PLXNA3: variants seen among roughly 807,000 people sequenced by gnomAD.
PLXNA3 encodes plexin-A3.
In PLXNA3, 52 loss-of-function variants were observed where a neutral mutation model predicts 118.8. The observed-to-expected ratio is 0.44, with a 90% CI of 0.35 to 0.55. PLXNA3 has a LOEUF of 0.55. Among genes scored for constraint, PLXNA3 ranks in the 20% least tolerant of loss-of-function variants. PLXNA3 has a pLI of 0.01. For synonymous variants in PLXNA3, 925 were observed against 762.4 expected (o/e 1.21, Z -3.51); for missense variants, 1,660 against 1,730.8 (o/e 0.96, Z 0.73).
Position 154,469,435 on chromosome X carries a change from A to C in PLXNA3, c.4651A>C (p.Lys1551Gln), listed in dbSNP as rs374297792. The change falls in exon 27 of 33, where the codon AAG becomes CAG. Residue 1551 changes from lysine to glutamine, a missense_variant. Coordinates refer to ENST00000369682, the MANE Select transcript of PLXNA3 (RefSeq NM_017514.5). ...IILQDEDVTT[K>Q]IECDWKRLNS... ...CCTCCAGGATGAGGATGTCACCACC[A>C]AGATCGAGTGTGACTGGAAGAGGCT... 1 of 1,208,939 alleles carries C rather than the reference A, an allele frequency of 8.3e-7. No individual in the cohort carries two copies. The highest frequency in any genetic ancestry group is 2.2e-5 in the Admixed American group (1 of 46,086).
rs782421885 is a variant in PLXNA3 at position 154,465,589 on chromosome X, C to G, written c.2342-68C>G. The G allele has an allele frequency of 2.9e-5, 33 of 1,154,184 alleles. No individual in the cohort carries two copies. In the African/African-American group the frequency reaches 4.3e-4, roughly 15 times the overall value. ...ACTGCTGGGGTCGGGTCTGGGGGCC[C>G]TAGTGCTCCCCACTTTCCACTTTTC... On this transcript the variant is annotated intron_variant, in intron 12 of 32. Coordinates refer to ENST00000369682, the MANE Select transcript of PLXNA3 (RefSeq NM_017514.5).
rs151166195 is a variant in PLXNA3 at position 154,469,189 on chromosome X, G to A, written c.4568G>A (p.Arg1523His). ...TACAAGGGCATTCCGTACTCCCAGC[G>A]TCCCAAAGCTGAGGACATGGACCTG... ...TVYKGIPYSQ[R>H]PKAEDMDLEW... The change falls in exon 26 of 33, where the codon CGT becomes CAT. Residue 1523 changes from arginine (R) to histidine (H), a missense_variant. Coordinates refer to ENST00000369682, the MANE Select transcript of PLXNA3 (RefSeq NM_017514.5). 5 of 1,211,036 alleles carry A rather than the reference G, an allele frequency of 4.1e-6. No homozygotes were observed. Among genetic ancestry groups the A allele is most frequent in the South Asian group, 1.8e-5 (1 of 57,021 alleles).
Position 154,463,661 on chromosome X carries a change from G to C in PLXNA3, c.1518G>C (p.Pro506=), listed in dbSNP as rs137934756. ...SCAACLGSGD[P]HCGWCVLRHR... is the part of the protein sequence containing the mutation. The stretch of plus-strand genomic sequence containing the variant: ...CAGCCTGCCTGGGCTCCGGGGACCC[G>C]CACTGTGGTTGGTGTGTGCTGCGAC... Residue 506 remains proline (P), a synonymous_variant, in exon 6 of 33, where the codon CCG becomes CCC. Coordinates refer to ENST00000369682, the MANE Select transcript of PLXNA3 (RefSeq NM_017514.5). 3 of 1,203,773 alleles carry C rather than the reference G, an allele frequency of 2.5e-6. No homozygotes were observed. Among genetic ancestry groups the C allele is most frequent in the East Asian group, 3.0e-5 (1 of 33,718 alleles).
In PLXNA3 at chrX:154,477,626, A is replaced by G. The variant is rs1169669509; in HGVS notation, c.*4941A>G. On this transcript the variant is annotated 3_prime_UTR_variant, in exon 33 of 33. Transcript: ENST00000369682. ...AGTTAATCCTGAATGACAGAACCCA[A>G]TTGATTTTCATTTTCTTCCATTTCC... 2 of 242,260 alleles carry G rather than the reference A, an allele frequency of 8.3e-6. No homozygotes were observed. Among genetic ancestry groups the G allele is most frequent in the African/African-American group, 2.9e-5 (1 of 34,964 alleles). 20.0% of individuals were successfully genotyped at this position (242,260 alleles called of 1,213,427 possible). A position where few individuals can be genotyped will look rare whatever the true frequency, so the allele number is the denominator to read the frequency against.
rs1557206254 is a variant in PLXNA3 at position 154,464,508 on chromosome X, A to G, written c.1928+7A>G. 1 of 1,187,277 alleles carries G rather than the reference A, an allele frequency of 8.4e-7. No individual in the cohort carries two copies. Among genetic ancestry groups the G allele is most frequent in the South Asian group, 1.8e-5 (1 of 56,261 alleles). ...ACTGCAGCGTCCTCCAGTCGTGAGT[A>G]CCTGGCCAGCACCCGTCCCTACCCC... On this transcript the variant is annotated splice_region_variant and intron_variant, in intron 9 of 32. Transcript: ENST00000369682.
At chrX:154,466,569 G>A (rs2069089386) in intron 16 of PLXNA3, 54 bp from the exon 17 acceptor site, 76 of 1,188,481 alleles carry the variant, frequency 6.4e-5, no homozygotes, top group Non-Finnish European at 7.8e-5. Context: ...CCGTGGGGAC[G>A]GGTGGCTGAG....
At position 154,477,713 on chromosome X, in the gene PLXNA3, C is replaced by G. The variant is rs1217536141; in HGVS notation, c.*5028C>G. The G allele has an allele frequency of 1.7e-5, 5 of 293,909 alleles. No homozygotes were observed. The highest frequency in any genetic ancestry group is 3.1e-5 in the African/African-American group (1 of 31,946). 24.2% of individuals were successfully genotyped at this position (293,909 alleles called of 1,213,427 possible). On this transcript the variant is annotated 3_prime_UTR_variant, in exon 33 of 33. Coordinates refer to ENST00000369682, the MANE Select transcript of PLXNA3 (RefSeq NM_017514.5). Reference sequence around the variant, plus strand: ...CTGAATTCTAGAACCCCCCCCCCAGCAACCCAAGCACAACAAGAATATTGG... The same window carrying G: ...CTGAATTCTAGAACCCCCCCCCCAGGAACCCAAGCACAACAAGAATATTGG...
chrX:154,470,098 C>A lies in PLXNA3; in HGVS notation c.4917C>A (p.Asp1639Glu). The change falls in exon 29 of 33, where the codon GAC becomes GAA. Residue 1639 changes from aspartate to glutamate, a missense_variant. Around this residue, in one of 2 missense-constraint regions of PLXNA3, gnomAD observed 869 missense variants for 1,078.7 expected, o/e 0.81. Coordinates refer to ENST00000369682, the MANE Select transcript of PLXNA3 (RefSeq NM_017514.5). ...WHLVKNHDHA[D>E]HREGDRGSKM... ...TGGTGAAAAACCACGACCATGCCGACCATCGCGAGGGGGACCGTGGCAGCA... is the reference window on the plus strand; with the variant it reads ...TGGTGAAAAACCACGACCATGCCGAACATCGCGAGGGGGACCGTGGCAGCA... 1 of 1,211,543 alleles carries A rather than the reference C, an allele frequency of 8.3e-7. No homozygotes were observed. Among genetic ancestry groups the A allele is most frequent in the Non-Finnish European group, 1.1e-6 (1 of 895,535 alleles).
At chrX:154,462,367 G>C (rs1470318305) in intron 4 of PLXNA3, 57 bp downstream of exon 4, 1 of 695,747 alleles carries the variant, frequency 1.4e-6, no homozygotes, top group Non-Finnish European at 1.9e-6. Flanking sequence ...TATGGGACAA[G>C]GCTGGTGGGA....
intron 28 of PLXNA3, 61 bp downstream of exon 28, chrX:154,469,845 A>G (rs975769714): frequency 1.6e-5 from 18 of 1,127,575 alleles, no homozygotes; most frequent in Admixed American, 6.5e-5. Context: ...TCCAAGTGCC[A>G]TCGATTCTGT....
At chrX:154,462,384 G>T in intron 4 of PLXNA3, 74 bp downstream of exon 4, 1 of 819,233 alleles carries the variant, frequency 1.2e-6, no homozygotes, top group Non-Finnish European at 1.7e-6. Flanking sequence ...GGGAACACAC[G>T]GGAGAGCTCT....
chrX:154,464,641 C>G lies in PLXNA3; in HGVS notation c.1929-113C>G, dbSNP rs1291082944. Reference sequence around the variant, plus strand: ...GATAGCCCCTGACATCCCCACATCTCTCTGTCCCCTGATATGGCTGCCTTC... The same window carrying G: ...GATAGCCCCTGACATCCCCACATCTGTCTGTCCCCTGATATGGCTGCCTTC... On this transcript the variant is annotated intron_variant, in intron 9 of 32. Coordinates refer to ENST00000369682, the MANE Select transcript of PLXNA3 (RefSeq NM_017514.5). The G allele has an allele frequency of 5.8e-6, 4 of 693,605 alleles. No homozygotes were observed. The East Asian group carries it at 1.4e-4, about 24-fold the overall frequency. 57.2% of individuals were successfully genotyped at this position (693,605 alleles called of 1,213,427 possible).
At chrX:154,459,881 GGCATCTGGGGTCCCAGTTCCA>G (rs1188962136) in intron 1 of PLXNA3, among the ~76,000 whole-genome samples, 11 of 113,269 alleles carry the variant, frequency 9.7e-5, no homozygotes, top group Admixed American at 5.5e-4. Context: ...TCTGAGATGT[GGCATCTGGGGTCCCAGTTCCA>G]GCATCTGCTC....
In PLXNA3 at chrX:154,471,546, C is replaced by T. The variant is rs146389093; in HGVS notation, c.5428C>T (p.Leu1810=). The T allele has an allele frequency of 2.5e-6, 3 of 1,208,585 alleles. No individual in the cohort carries two copies. The highest frequency in any genetic ancestry group is 5.9e-5 in the East Asian group (2 of 33,770). Residue 1810 remains leucine, a synonymous_variant, in exon 32 of 33, where the codon CTG becomes TTG. Transcript: ENST00000369682. The part of the protein sequence containing the change: ...SISDQDMDAY[L]VEQSRLHASD... The stretch of plus-strand genomic sequence containing the variant: ...CAGCGACCAGGACATGGATGCCTAC[C>T]TGGTGGAGCAGTCCCGCCTCCACGC...
In PLXNA3 at chrX:154,468,935, A is replaced by G; in HGVS notation, c.4400A>G (p.Lys1467Arg). 8.3e-7 allele frequency: 1 copy of G among 1,211,886 alleles called. No individual in the cohort carries two copies. The highest frequency in any genetic ancestry group is 1.1e-6 in the Non-Finnish European group (1 of 895,615). ...GCACGATACTCCCTGAGCGAGGACA[A>G]GCTCATCCGTCAGCAGATCGACTAC... The part of the protein sequence containing the change: ...GEARYSLSED[K>R]LIRQQIDYKT... Residue 1467 changes from lysine (K) to arginine (R), a missense_variant, in exon 25 of 33, where the codon AAG (lysine) becomes AGG (arginine). Coordinates refer to ENST00000369682, the MANE Select transcript of PLXNA3 (RefSeq NM_017514.5).
chrX:154,461,924 G>C (rs782750932), intron 3 of PLXNA3, among the ~76,000 whole-genome samples: 2 of 112,154 alleles, frequency 1.8e-5, no homozygotes, highest in African/African-American at 3.2e-5. Flanking sequence ...TGTGGGCCCA[G>C]GCTTCGCTCC....
intron 4 of PLXNA3, 97 bp from the exon 5 acceptor site, chrX:154,463,294 C>G: frequency 8.8e-7 from 1 of 1,139,990 alleles, no homozygotes; most frequent in Non-Finnish European, 1.2e-6. Flanking sequence ...CAGGTCCTGA[C>G]GTCAGCTCAG....
chrX:154,467,864 G>T lies in PLXNA3; in HGVS notation c.3683G>T (p.Gly1228Val), dbSNP rs1557207880. ...LPAMMGLAAG[G>V]GLLLLAITAV... ...GCCATGATGGGGCTGGCGGCGGGGG[G>T]TGGGCTCCTGCTGCTGGCCATCACA... is the stretch of plus-strand genomic sequence containing the variant. The change falls in exon 21 of 33, where the codon GGT (glycine) becomes GTT (valine). Residue 1228 changes from glycine (G) to valine (V), a missense_variant. By Grantham distance (109) the Gly-to-Val change is moderately radical. Coordinates refer to ENST00000369682, the MANE Select transcript of PLXNA3 (RefSeq NM_017514.5). 2.5e-6 allele frequency: 3 copies of T among 1,208,434 alleles called. No homozygotes were observed. The highest frequency in any genetic ancestry group is 2.2e-6 in the Non-Finnish European group (2 of 894,835).
rs1339228075 is a variant in PLXNA3 at position 154,460,176 on chromosome X, T to A, written c.-8T>A. 7 of 1,172,453 alleles carry A rather than the reference T, an allele frequency of 6.0e-6. No individual in the cohort carries two copies. Among genetic ancestry groups the A allele is most frequent in the Non-Finnish European group, 8.1e-6 (7 of 864,682 alleles). The stretch of plus-strand genomic sequence containing the variant: ...CCCTAGGCCTGTCCCCAGGCGCGGC[T>A]GCCGGCCATGCCCTCTGTCTGCCTC... On this transcript the variant is annotated 5_prime_UTR_variant, in exon 2 of 33. Transcript: ENST00000369682.
Sources: gnomAD v4.1 joint callset for allele counts (sites outside exome capture counted in the v4.1 genomes callset) on GRCh38, gnomAD v4.1.1 for gene constraint, gnomAD v4.1.1 regional missense constraint, MANE v1.5 for transcripts, NCBI Gene and HGNC (gene_info 2026-07-23, HGNC 2026-07-21) for gene names.